CLK1: variants seen among roughly 807,000 people sequenced by gnomAD.
CLK1 encodes CDC like kinase 1, also known as dual specificity protein kinase CLK1.
CLK1 carries 40 observed loss-of-function variants against 60.9 expected under a neutral mutation model. The observed-to-expected ratio is 0.66, with a 90% CI of 0.51 to 0.86. CLK1 has a LOEUF of 0.86. Ranked by LOEUF, CLK1 falls within the 40% of genes least tolerant of loss-of-function variation. The pLI is 0.00. For missense variants in CLK1, 563 were observed against 606.1 expected (o/e 0.93, Z 0.75); for synonymous variants, 203 against 184.4 (o/e 1.10, Z -0.82).
chr2:200,863,977 G>A, intron 1 of CLK1: 1 of 1,095,464 alleles, frequency 9.1e-7, no homozygotes, highest in Non-Finnish European at 1.2e-6. Context: ...TCTTTCCTTG[G>A]GTTCCTAAAT....
chr2:200,854,856 A>T, intron 10 of CLK1, 148 bp downstream of exon 10: 1 of 780,834 alleles, frequency 1.3e-6, no homozygotes, highest in Non-Finnish European at 2.1e-6. Context: ...GATGTTTTAA[A>T]TAAAACAATT....
At chr2:200,860,852 T>TA in intron 3 of CLK1, 1 of 1,054,472 alleles carries the variant, frequency 9.5e-7, no homozygotes, top group Non-Finnish European at 1.1e-6. Flanking sequence ...GAAGCATACC[T>TA]AATCCTAAAT....
chr2:200,856,392 A>C (rs1294692950), intron 9 of CLK1, among the ~76,000 whole-genome samples: 7 of 152,062 alleles, frequency 4.6e-5, no homozygotes, highest in Non-Finnish European at 7.4e-5. Flanking sequence ...AAGTGCTGAG[A>C]TTACAGATGT....
chr2:200,857,638 T>G (rs570198667), intron 7 of CLK1, 80 bp downstream of exon 7: 1 of 1,189,790 alleles, frequency 8.4e-7, no homozygotes, highest in African/African-American at 1.5e-5. Context: ...CAAATAAAAA[T>G]TGTACACACT....
In CLK1 at chr2:200,853,910, G is replaced by A; in HGVS notation, c.1304C>T (p.Pro435Leu). The change falls in exon 12 of 13, where the codon CCT becomes CTT. Residue 435 changes from proline to leucine, a missense_variant. Transcript: ENST00000321356. ...AGRYVSRRCK[P>L]LKEFMLSQDV... ...AATGTCTCAAAGGCTTACCTTCAGA[G>A]GTTTACAGCGTCTTGAAACATATCT... 1 of 1,608,836 alleles carries A rather than the reference G, an allele frequency of 6.2e-7. No individual in the cohort carries two copies. Among genetic ancestry groups the A allele is most frequent in the Non-Finnish European group, 8.5e-7 (1 of 1,176,830 alleles).
intron 1 of CLK1, among the ~76,000 whole-genome samples, chr2:200,862,182 T>G (rs2039150226): frequency 6.6e-6 from 1 of 152,000 alleles, no homozygotes; most frequent in South Asian, 2.1e-4. Context: ...GCCCTCCCAG[T>G]AGTACAAATA....
In CLK1 at chr2:200,854,684, A is replaced by G; in HGVS notation, c.1152T>C (p.Ser384=). Residue 384 remains serine (S), a synonymous_variant, in exon 11 of 13, where the codon AGT becomes AGC. Coordinates refer to ENST00000321356, the MANE Select transcript of CLK1 (RefSeq NM_004071.4). ...LGFTVFPTHD[S]KEHLAMMERI... ...TTTCCATCATTGCTAAATGCTCCTT[A>G]CTATCGTGTGTCTAGAAATAAAATA... The G allele has an allele frequency of 3.7e-6, 6 of 1,603,376 alleles. No homozygotes were observed. Among genetic ancestry groups the G allele is most frequent in the Non-Finnish European group, 5.1e-6 (6 of 1,170,416 alleles).
intron 1 of CLK1, 137 bp from the exon 2 acceptor site, chr2:200,861,999 C>T (rs530792966): frequency 1.5e-6 from 1 of 673,326 alleles, no homozygotes; most frequent in Non-Finnish European, 2.5e-6. Flanking sequence ...TCTGAAATCA[C>T]TGATAAATCC....
At chr2:200,857,256 A>G in intron 7 of CLK1, 1 of 423,126 alleles carries the variant, frequency 2.4e-6, no homozygotes, top group Non-Finnish European at 4.3e-6. Flanking sequence ...CAGTGAGTGA[A>G]GACTGCGCCA....
chr2:200,858,551 G>C (rs1029081983), intron 5 of CLK1, among the ~76,000 whole-genome samples: 1 of 151,858 alleles, frequency 6.6e-6, no homozygotes, highest in Non-Finnish European at 1.5e-5. Flanking sequence ...ATGAAAATTA[G>C]CCAGGCACGG....
chr2:200,860,096 G>A (rs780548511), intron 4 of CLK1, 29 bp downstream of exon 4: 2 of 1,606,878 alleles, frequency 1.2e-6, no homozygotes, highest in Non-Finnish European at 1.7e-6. Flanking sequence ...TATCTGAAAA[G>A]TTAATAAGTG....
chr2:200,853,074 T>G lies in CLK1; in HGVS notation c.*232A>C. 1 of 359,792 alleles carries G rather than the reference T, an allele frequency of 2.8e-6. No individual in the cohort carries two copies. Among genetic ancestry groups the G allele is most frequent in the South Asian group, 7.6e-5 (1 of 13,214 alleles). The allele number at this position is 359,792 out of a possible 1,614,324, so 22.3% of individuals were successfully genotyped here. On this transcript the variant is annotated 3_prime_UTR_variant, in exon 13 of 13. Transcript: ENST00000321356. ...ACTTAGAACAAACTGTTCAGATACA[T>G]ATCAACTTCATAAGCACAAAAAATT...
Position 200,855,632 on chromosome 2 carries a change from A to C in CLK1, c.1058-546T>G, listed in dbSNP as rs534235856. On this transcript the variant is annotated intron_variant, in intron 9 of 12. Transcript: ENST00000321356. ...AGAGCAAGACTCCGCCCCCCCCCCA[A>C]AAAATTATATATATACACATATATA... Among the ~76,000 whole-genome samples the C allele has an allele frequency of 6.8e-4, 99 of 144,712 alleles. 2 individuals carry two copies. The highest frequency in any genetic ancestry group is 6.5e-3 in the Admixed American group (94 of 14,484). The allele number at this position is 144,712 out of a possible 152,430, so 94.9% of individuals were successfully genotyped here.
chr2:200,856,993 TAAAGAG>T lies in CLK1; in HGVS notation c.833-14_833-9del. On this transcript the variant is annotated splice_polypyrimidine_tract_variant and intron_variant, in intron 7 of 12. Coordinates refer to ENST00000321356, the MANE Select transcript of CLK1 (RefSeq NM_004071.4). The stretch of plus-strand genomic sequence containing the variant: ...ACTTATTACTGTGCAAAACTGAGAA[TAAAGAG>T]AAAGTTGCTGTAATCAGAAAACACC... The T allele has an allele frequency of 1.9e-6, 3 of 1,610,284 alleles. No homozygotes were observed. The highest frequency in any genetic ancestry group is 2.2e-5 in the South Asian group (2 of 90,976).
chr2:200,854,281 A>G (rs2039002129), intron 11 of CLK1: 1 of 345,642 alleles, frequency 2.9e-6, no homozygotes, highest in South Asian at 3.9e-5. Flanking sequence ...CACGCCTGTA[A>G]TCTCAGCACT....
Position 200,861,692 on chromosome 2 carries a change from T to C in CLK1, c.161+10A>G, listed in dbSNP as rs746057311. On this transcript the variant is annotated intron_variant, in intron 2 of 12. Coordinates refer to ENST00000321356, the MANE Select transcript of CLK1 (RefSeq NM_004071.4). ...TTGTTATATTCAGACATTTTAAGTA[T>C]CCTCCTTACCTATCACACATTTTAG... The C allele has an allele frequency of 6.2e-7, 1 of 1,613,304 alleles. No homozygotes were observed.
intron 1 of CLK1, 84 bp from the exon 2 acceptor site, chr2:200,861,946 G>C: frequency 8.3e-7 from 1 of 1,211,680 alleles, no homozygotes; most frequent in Non-Finnish European, 1.2e-6. Context: ...GTCCCCTCGT[G>C]ACCTCGTTTT....
Position 200,853,287 on chromosome 2 carries a change from G to C in CLK1, c.*19C>G. On this transcript the variant is annotated 3_prime_UTR_variant, in exon 13 of 13. Coordinates refer to ENST00000321356, the MANE Select transcript of CLK1 (RefSeq NM_004071.4). Reference sequence around the variant, plus strand: ...TACAGTCTGTAAGATCTCTTCGAGAGAGCTGTCCAATTACAGATCTATATA... The same window carrying C: ...TACAGTCTGTAAGATCTCTTCGAGACAGCTGTCCAATTACAGATCTATATA... 6.3e-7 allele frequency: 1 copy of C among 1,583,854 alleles called. No individual in the cohort carries two copies. The highest frequency in any genetic ancestry group is 8.6e-7 in the Non-Finnish European group (1 of 1,165,476).
chr2:200,863,210 C>T (rs1559329421), intron 1 of CLK1: 1 of 151,880 alleles, frequency 6.6e-6, no homozygotes, highest in African/African-American at 2.4e-5. Context: ...ACACTAATAA[C>T]TATTAAGTTC....
Sources: gnomAD v4.1 joint callset for allele counts (sites outside exome capture counted in the v4.1 genomes callset) on GRCh38, gnomAD v4.1.1 for gene constraint, MANE v1.5 for transcripts, NCBI Gene and HGNC (gene_info 2026-07-23, HGNC 2026-07-21) for gene names.